Variants in ANXA8 observed in about 807,000 individuals in gnomAD.
The protein encoded by ANXA8 is VAC-beta.
In ANXA8, 9 loss-of-function variants were observed where a neutral mutation model predicts 26.8. The ratio of observed to expected loss-of-function variants is 0.34; its 90% CI spans 0.20 to 0.59. The LOEUF (loss-of-function observed/expected upper bound fraction) is 0.59. Among genes scored for constraint, ANXA8 ranks in the 20% least tolerant of loss-of-function variants. ANXA8 has a pLI of 0.84. For synonymous variants in ANXA8, 39 were observed against 94.8 expected (o/e 0.41, Z 3.42); for missense variants, 83 against 238.5 (o/e 0.35, Z 4.29).
At chr10:47,958,401 C>A in the ANXA8 span, among the ~76,000 whole-genome samples, 1 of 147,114 alleles carries the variant, frequency 6.8e-6, no homozygotes, top group Non-Finnish European at 1.5e-5. Flanking sequence ...ATCATTTAAA[C>A]CTGGGAGGTG....
chr10:47,605,857 C>T, the ANXA8 span, among the ~76,000 whole-genome samples: 1 of 139,868 alleles, frequency 7.1e-6, no homozygotes, highest in Non-Finnish European at 1.5e-5. Context: ...CACAAGAAAG[C>T]ATTATCAACT....
the ANXA8 span, among the ~76,000 whole-genome samples, chr10:47,772,487 GA>G: frequency 6.6e-6 from 1 of 152,230 alleles, no homozygotes; most frequent in African/African-American, 2.4e-5. Flanking sequence ...AGGAGACCAA[GA>G]AAGTGTGTAT....
the ANXA8 span, among the ~76,000 whole-genome samples, chr10:47,658,260 C>T: frequency 1.1e-4 from 17 of 150,870 alleles, no homozygotes; most frequent in African/African-American, 2.5e-4. Context: ...CCCAACTACT[C>T]GGGTAGTCCC....
At chr10:47,669,703 A>C in the ANXA8 span, among the ~76,000 whole-genome samples, 2 of 151,684 alleles carry the variant, frequency 1.3e-5, no homozygotes, top group Non-Finnish European at 1.5e-5. Flanking sequence ...TGACAGAATG[A>C]GACCCTATCT....
chr10:47,743,281 C>CATATATAT, the ANXA8 span, among the ~76,000 whole-genome samples: 2 of 64,734 alleles, frequency 3.1e-5, no homozygotes, highest in Admixed American at 2.3e-4. Flanking sequence ...TATATATACA[C>CATATATAT]ACATATATAT....
chr10:47,497,802 G>C, the ANXA8 span, among the ~76,000 whole-genome samples: 1 of 151,086 alleles, frequency 6.6e-6, no homozygotes, highest in Non-Finnish European at 1.5e-5. Flanking sequence ...GTTGGGCATG[G>C]TGGCATGTGC....
chr10:47,967,751 A>C, the ANXA8 span, among the ~76,000 whole-genome samples: 77,689 of 94,636 alleles, frequency 0.82, 31,967 homozygotes, highest in African/African-American at 0.86. Context: ...TTCAACTACA[A>C]CAAAGGTTTC....
the ANXA8 span, among the ~76,000 whole-genome samples, chr10:47,737,392 T>C: frequency 2.0e-5 from 3 of 150,388 alleles, no homozygotes; most frequent in African/African-American, 7.3e-5. Context: ...CCTAAAATGG[T>C]CAGCTGGTTG....
the ANXA8 span, chr10:47,986,934 T>G: frequency 4.9e-4 from 245 of 504,256 alleles, 2 homozygotes; most frequent in Admixed American, 1.6e-3. Context: ...TTTAGGAGTT[T>G]GCTGGTCACG....
At chr10:47,749,296 T>C in the ANXA8 span, among the ~76,000 whole-genome samples, 1 of 140,122 alleles carries the variant, frequency 7.1e-6, no homozygotes, top group East Asian at 2.1e-4. Flanking sequence ...CAGATGTGCA[T>C]ACACAAAAAA....
At chr10:47,657,321 C>T in the ANXA8 span, among the ~76,000 whole-genome samples, 10,281 of 151,124 alleles carry the variant, frequency 0.068, 940 homozygotes, top group African/African-American at 0.24. Flanking sequence ...CATGTGTCAC[C>T]TCAACCAGTT....
At chr10:47,703,668 T>C in the ANXA8 span, among the ~76,000 whole-genome samples, 1 of 151,318 alleles carries the variant, frequency 6.6e-6, no homozygotes, top group Non-Finnish European at 1.5e-5. Flanking sequence ...TGATAGATGC[T>C]AAAATTAGTA....
chr10:47,665,581 G>C, the ANXA8 span, among the ~76,000 whole-genome samples: 1 of 149,638 alleles, frequency 6.7e-6, no homozygotes, highest in Non-Finnish European at 1.5e-5. Context: ...GTTATATGCT[G>C]TTTGTGTTAC....
the ANXA8 span, among the ~76,000 whole-genome samples, chr10:47,529,473 TTC>T: frequency 3.5e-5 from 5 of 141,604 alleles, no homozygotes; most frequent in African/African-American, 1.3e-4. Flanking sequence ...AATAATAGTC[TTC>T]CATATTCTTG....
the ANXA8 span, among the ~76,000 whole-genome samples, chr10:47,533,427 C>T: frequency 2.2e-5 from 3 of 138,490 alleles, no homozygotes; most frequent in East Asian, 7.0e-4. Flanking sequence ...ACCAGAACCT[C>T]TGTGTCAGAA....
the ANXA8 span, among the ~76,000 whole-genome samples, chr10:47,743,068 G>A: frequency 6.9e-6 from 1 of 144,212 alleles, no homozygotes; most frequent in East Asian, 2.0e-4. Context: ...CTACTCGGGA[G>A]GCTGAGGCAG....
chr10:47,639,275 G>C, the ANXA8 span, among the ~76,000 whole-genome samples: 1 of 146,286 alleles, frequency 6.8e-6, no homozygotes, highest in South Asian at 2.2e-4. Context: ...TGGGACCACA[G>C]GCGCCTGCTA....
the ANXA8 span, among the ~76,000 whole-genome samples, chr10:47,649,597 T>C: frequency 6.6e-6 from 1 of 151,456 alleles, no homozygotes; most frequent in Non-Finnish European, 1.5e-5. Context: ...TTAGAAGAGA[T>C]GGGGTTTCAC....
the ANXA8 span, among the ~76,000 whole-genome samples, chr10:47,733,230 TC>T: frequency 2.3e-5 from 2 of 86,124 alleles, no homozygotes; most frequent in African/African-American, 9.3e-5. Flanking sequence ...TCTCTTTCTT[TC>T]TCTCTTTCTT....
Sources: allele counts gnomAD v4.1 joint callset (sites outside exome capture counted in the v4.1 genomes callset), GRCh38; gene constraint gnomAD v4.1.1; transcripts MANE v1.5; gene names NCBI Gene and HGNC (gene_info 2026-07-23, HGNC 2026-07-21).